Variants in HPSE2 observed in about 807,000 individuals in gnomAD.
The protein encoded by HPSE2 is inactive heparanase-2.
Under a neutral mutation model 60.5 loss-of-function variants are expected in HPSE2, and 38 were observed. That is an observed-to-expected ratio of 0.63 (90% CI 0.48 to 0.82). HPSE2 has a LOEUF of 0.82. Among genes scored for constraint, HPSE2 ranks in the 40% least tolerant of loss-of-function variants. The pLI is 0.00. For synonymous variants in HPSE2, 295 were observed against 293.2 expected, an observed-to-expected ratio of 1.01 and a Z score of -0.06; for missense variants, 713 against 740.4, an observed-to-expected ratio of 0.96 and a Z score of 0.43.
chr10:99,107,059 T>C (rs912523633), intron 3 of HPSE2, among the ~76,000 whole-genome samples: 2 of 152,054 alleles, frequency 1.3e-5, no homozygotes, highest in Admixed American at 6.6e-5. Context: ...TTAGTAGAGA[T>C]GGGGTTTCAT....
In HPSE2 at chr10:99,195,338, A is replaced by G. The variant is rs145901069; in HGVS notation, c.448+37010T>C. 9.9e-4 allele frequency among the ~76,000 whole-genome samples: 150 copies of G among 152,284 alleles called. No homozygotes were observed. The Middle Eastern group carries it at 0.01, about 10-fold the overall frequency. ...GCACCCAATTACACCACTGCTACGC[A>G]GCATAGTACTGGAAGTTCTAGATAT... On this transcript the variant is annotated intron_variant, in intron 2 of 11. Transcript: ENST00000370552.
chr10:98,735,696 T>C (rs886817600), intron 4 of HPSE2, among the ~76,000 whole-genome samples: 1 of 152,164 alleles, frequency 6.6e-6, no homozygotes, highest in Non-Finnish European at 1.5e-5. Context: ...AGGAGATCAT[T>C]TGGGAGCTTT....
At chr10:98,583,873 A>T (rs1478920956) in intron 9 of HPSE2, among the ~76,000 whole-genome samples, 1 of 152,166 alleles carries the variant, frequency 6.6e-6, no homozygotes, top group African/African-American at 2.4e-5. Flanking sequence ...TATTGCATGG[A>T]CATACCACAT....
chr10:98,548,044 G>A (rs1250613479), intron 9 of HPSE2, among the ~76,000 whole-genome samples: 1 of 152,044 alleles, frequency 6.6e-6, no homozygotes, highest in Non-Finnish European at 1.5e-5. Context: ...ATACAGATAT[G>A]GACAACACAT....
intron 11 of HPSE2, chr10:98,461,932 G>T: frequency 1.3e-6 from 1 of 799,220 alleles, no homozygotes; most frequent in Admixed American, 2.0e-5. Context: ...TGGTTAAAAA[G>T]CTAAGAGTAG....
chr10:98,808,459 A>G (rs1951092848), intron 3 of HPSE2, among the ~76,000 whole-genome samples: 1 of 152,218 alleles, frequency 6.6e-6, no homozygotes, highest in African/African-American at 2.4e-5. Flanking sequence ...TCAATAAAAT[A>G]CACTTTCTAG....
At chr10:98,834,256 T>C (rs1355344734) in intron 3 of HPSE2, among the ~76,000 whole-genome samples, 1 of 152,156 alleles carries the variant, frequency 6.6e-6, no homozygotes, top group African/African-American at 2.4e-5. Flanking sequence ...CTGCAATTGA[T>C]TGAGACCCAT....
chr10:98,854,523 G>A (rs1952260735), intron 3 of HPSE2, among the ~76,000 whole-genome samples: 1 of 152,186 alleles, frequency 6.6e-6, no homozygotes, highest in Admixed American at 6.5e-5. Flanking sequence ...ATTTATAATT[G>A]AGGATAAATT....
intron 3 of HPSE2, among the ~76,000 whole-genome samples, chr10:99,053,477 A>T (rs1302755217): frequency 6.6e-6 from 1 of 152,124 alleles, no homozygotes; most frequent in Non-Finnish European, 1.5e-5. Context: ...AAAACAAAAC[A>T]GACAGGACAA....
chr10:99,299,133 A>T, the HPSE2 span, among the ~76,000 whole-genome samples: 12 of 151,856 alleles, frequency 7.9e-5, no homozygotes, highest in East Asian at 2.3e-3. Context: ...CCCTCTTTGG[A>T]GCCTCCCCCC....
At chr10:98,477,192 T>C (rs555874349) in intron 11 of HPSE2, among the ~76,000 whole-genome samples, 1 of 152,322 alleles carries the variant, frequency 6.6e-6, no homozygotes, top group South Asian at 2.1e-4. Context: ...TTATTCTATA[T>C]GCTTCATGGT....
chr10:98,751,465 C>A (rs1368680262), intron 3 of HPSE2, among the ~76,000 whole-genome samples: 1 of 152,102 alleles, frequency 6.6e-6, no homozygotes, highest in Non-Finnish European at 1.5e-5. Flanking sequence ...ACTCTAATAC[C>A]CCTTTGTGAC....
intron 2 of HPSE2, among the ~76,000 whole-genome samples, chr10:99,213,290 G>A (rs904783766): frequency 6.6e-6 from 1 of 151,694 alleles, no homozygotes; most frequent in African/African-American, 2.4e-5. Context: ...CATTATACTT[G>A]AACAAGAAGA....
chr10:99,184,835 G>A (rs1264341964), intron 2 of HPSE2, among the ~76,000 whole-genome samples: 1 of 51,674 alleles, frequency 1.9e-5, no homozygotes, highest in Non-Finnish European at 6.4e-5. Flanking sequence ...GAGAGAGAGA[G>A]AGAGAGAGAG....
intron 3 of HPSE2, among the ~76,000 whole-genome samples, chr10:99,021,576 A>G (rs1271913994): frequency 2.0e-5 from 3 of 152,198 alleles, no homozygotes; most frequent in Admixed American, 6.5e-5. Context: ...ATAAGAAAAA[A>G]AAAATACATA....
chr10:98,609,606 T>C (rs1298194673), intron 9 of HPSE2, among the ~76,000 whole-genome samples: 1 of 152,232 alleles, frequency 6.6e-6, no homozygotes, highest in Non-Finnish European at 1.5e-5. Flanking sequence ...TATGTATATA[T>C]ACCAAATCAG....
intron 2 of HPSE2, among the ~76,000 whole-genome samples, chr10:99,160,790 T>G (rs1846801892): frequency 6.9e-6 from 1 of 144,626 alleles, no homozygotes; most frequent in African/African-American, 2.5e-5. Flanking sequence ...TCCCAGCTAC[T>G]TGGGAGGCTG....
intron 11 of HPSE2, among the ~76,000 whole-genome samples, chr10:98,476,559 G>A (rs1335676460): frequency 6.6e-6 from 1 of 152,126 alleles, no homozygotes; most frequent in Non-Finnish European, 1.5e-5. Context: ...GGAGGCTGCG[G>A]CAGGTGGATC....
intron 9 of HPSE2, among the ~76,000 whole-genome samples, chr10:98,497,499 A>G (rs1038785161): frequency 1.3e-5 from 2 of 152,172 alleles, no homozygotes; most frequent in African/African-American, 2.4e-5. Flanking sequence ...TCAGTTTCAC[A>G]GCATTTTCAT....
Sources: allele counts gnomAD v4.1 joint callset (sites outside exome capture counted in the v4.1 genomes callset), GRCh38; gene constraint gnomAD v4.1.1; transcripts MANE v1.5; gene names NCBI Gene and HGNC (gene_info 2026-07-23, HGNC 2026-07-21).